The following SLC4A8 variants were observed in gnomAD, a reference collection of about 807,000 sequenced individuals.
SLC4A8 encodes the protein solute carrier family 4 member 8.
A neutral mutation model predicts 125.0 loss-of-function variants in SLC4A8; 40 were observed. The observed-to-expected ratio is 0.32, with a 90% CI of 0.25 to 0.42. SLC4A8 has a LOEUF of 0.42. Ranked by LOEUF, SLC4A8 falls within the 10% of genes least tolerant of loss-of-function variation. The pLI is 1.00. For missense variants in SLC4A8, 863 were observed against 1,355.1 expected (o/e 0.64, Z 5.70); for synonymous variants, 456 against 476.0 (o/e 0.96, Z 0.55).
At chr12:51,470,635 A>G (rs1226335323) in intron 13 of SLC4A8, 110 bp downstream of exon 13, 19 of 1,040,938 alleles carry the variant, frequency 1.8e-5, no homozygotes, top group Non-Finnish European at 2.7e-5. Flanking sequence ...TTTGGATTGT[A>G]AGAAACCTGA....
In SLC4A8 at chr12:51,469,654, C is replaced by G. The variant is rs1327280448; in HGVS notation, c.1390C>G (p.Pro464Ala). The G allele has an allele frequency of 6.2e-7, 1 of 1,606,666 alleles. No homozygotes were observed. The highest frequency in any genetic ancestry group is 8.5e-7 in the Non-Finnish European group (1 of 1,177,196). The stretch of plus-strand genomic sequence containing the variant: ...GGTGCTGGACATCAAGCGGAAGGCC[C>G]CCTGGTACTGGAGCGACTACCGAGA... ...GLVLDIKRKAPWYWSDYRDAL... is the reference protein window; with the variant it reads ...GLVLDIKRKAAWYWSDYRDAL... The change falls in exon 12 of 25, where the codon CCC becomes GCC. Residue 464 changes from proline (P) to alanine (A), a missense_variant. By Grantham distance (27) the Pro-to-Ala change is conservative. Transcript: ENST00000453097.
At chr12:51,461,148 T>G in intron 8 of SLC4A8, 56 bp from the exon 9 acceptor site, 2 of 843,566 alleles carry the variant, frequency 2.4e-6, no homozygotes, top group Non-Finnish European at 4.1e-6. Context: ...TAGAGAGGAC[T>G]AATGGCACTT....
chr12:51,462,573 G>A, intron 10 of SLC4A8, 117 bp downstream of exon 10: 2 of 756,330 alleles, frequency 2.6e-6, no homozygotes, highest in Non-Finnish European at 4.0e-6. Context: ...CTGTTTTGGT[G>A]CACCTAGAAT....
chr12:51,418,032 A>G (rs1318184827), intron 1 of SLC4A8, among the ~76,000 whole-genome samples: 1 of 152,254 alleles, frequency 6.6e-6, no homozygotes, highest in East Asian at 1.9e-4. Context: ...CAAGTGGTTT[A>G]CTGGAGACAG....
At chr12:51,435,533 G>A (rs549514949) in intron 1 of SLC4A8, among the ~76,000 whole-genome samples, 1 of 152,258 alleles carries the variant, frequency 6.6e-6, no homozygotes, top group Admixed American at 6.5e-5. Context: ...TGAGGAGGGA[G>A]GATCACTTGA....
chr12:51,490,688 C>T (rs979340094), intron 19 of SLC4A8, among the ~76,000 whole-genome samples: 5 of 151,122 alleles, frequency 3.3e-5, no homozygotes, highest in Admixed American at 6.6e-5. Context: ...ATGTGTTCTA[C>T]GAAATATCAG....
chr12:51,434,450 T>C (rs1472806778), intron 1 of SLC4A8, among the ~76,000 whole-genome samples: 1 of 152,226 alleles, frequency 6.6e-6, no homozygotes, highest in Non-Finnish European at 1.5e-5. Flanking sequence ...CACATTCACA[T>C]TCAAGCCTGA....
At chr12:51,400,157 C>A (rs1388685125) in intron 1 of SLC4A8, among the ~76,000 whole-genome samples, 1 of 152,074 alleles carries the variant, frequency 6.6e-6, no homozygotes. Flanking sequence ...AATCCAGAGG[C>A]CTTTGATCTC....
intron 5 of SLC4A8, among the ~76,000 whole-genome samples, chr12:51,455,613 T>C (rs1378406318): frequency 6.6e-6 from 1 of 152,188 alleles, no homozygotes; most frequent in Admixed American, 6.5e-5. Context: ...AACACCTGGA[T>C]GCATGGGGGA....
chr12:51,451,168 C>CTA, intron 3 of SLC4A8, 146 bp downstream of exon 3: 1 of 781,178 alleles, frequency 1.3e-6, no homozygotes, highest in East Asian at 3.3e-5. Context: ...AGAAATGCCT[C>CTA]TAAGAGTCAA....
At chr12:51,482,224 C>T (rs573648716) in intron 16 of SLC4A8, among the ~76,000 whole-genome samples, 13 of 151,936 alleles carry the variant, frequency 8.6e-5, no homozygotes, top group South Asian at 4.2e-4. Flanking sequence ...GAATATAAAA[C>T]GTTTCATCAA....
At chr12:51,451,297 C>T (rs912260809) in intron 3 of SLC4A8, among the ~76,000 whole-genome samples, 3 of 152,164 alleles carry the variant, frequency 2.0e-5, no homozygotes, top group Non-Finnish European at 2.9e-5. Flanking sequence ...TTAGCCTGGA[C>T]GGTCTGGATC....
intron 11 of SLC4A8, chr12:51,467,440 G>C (rs1950555569): frequency 1.3e-5 from 2 of 152,198 alleles, no homozygotes. Context: ...AAAAGAGCAG[G>C]TGGGTGTCTG....
At chr12:51,499,657 A>ACACACACG (rs752032841) in intron 22 of SLC4A8, among the ~76,000 whole-genome samples, 24 of 150,192 alleles carry the variant, frequency 1.6e-4, no homozygotes, top group African/African-American at 5.2e-4. Flanking sequence ...ACACACACAC[A>ACACACACG]CGTATATAAT....
intron 1 of SLC4A8, chr12:51,425,469 T>C (rs1267549736): frequency 4.1e-6 from 4 of 984,494 alleles, no homozygotes; most frequent in African/African-American, 1.7e-5. Context: ...GGTTCCTCAG[T>C]GGTTCAGAGG....
chr12:51,495,145 CTTA>C (rs1951427877), intron 21 of SLC4A8, 27 bp downstream of exon 21: 1 of 1,562,414 alleles, frequency 6.4e-7, no homozygotes, highest in African/African-American at 1.4e-5. Context: ...AAAATAAATT[CTTA>C]TTATCATTGT....
At chr12:51,412,569 G>A (rs1948615203) in intron 1 of SLC4A8, among the ~76,000 whole-genome samples, 1 of 152,120 alleles carries the variant, frequency 6.6e-6, no homozygotes, top group East Asian at 1.9e-4. Flanking sequence ...ACCAACCTCT[G>A]TTCATTCCCC....
intron 1 of SLC4A8, among the ~76,000 whole-genome samples, chr12:51,393,480 G>C (rs1286298549): frequency 1.3e-5 from 2 of 152,220 alleles, no homozygotes; most frequent in African/African-American, 4.8e-5. Flanking sequence ...CACGCACTGG[G>C]AAAGGCAGGG....
intron 19 of SLC4A8, among the ~76,000 whole-genome samples, chr12:51,491,321 C>A (rs916388442): frequency 2.6e-5 from 4 of 151,792 alleles, no homozygotes. Context: ...AAAGAGACGA[C>A]GTAAAAGAGA....
Sources: allele counts gnomAD v4.1 joint callset (sites outside exome capture counted in the v4.1 genomes callset), GRCh38; gene constraint gnomAD v4.1.1; transcripts MANE v1.5; gene names NCBI Gene and HGNC (gene_info 2026-07-23, HGNC 2026-07-21).